The following SCN4A variants were observed in gnomAD, a reference collection of about 807,000 sequenced individuals.
SCN4A encodes the protein sodium channel protein type 4 subunit alpha.
In SCN4A, 83 loss-of-function variants were observed where a neutral mutation model predicts 162.0. The ratio of observed to expected loss-of-function variants is 0.51; its 90% CI spans 0.43 to 0.61. SCN4A has a LOEUF of 0.61. SCN4A is among the 20% of genes least tolerant of loss of function. The probability of loss-of-function intolerance (pLI) is 0.00; values close to 1 mark genes in which losing one functional copy is unlikely to be tolerated. For synonymous variants in SCN4A, 944 were observed against 985.1 expected (o/e 0.96, Z 0.78); for missense variants, 2,196 against 2,462.5 (o/e 0.89, Z 2.29).
chr17:63,952,007 G>A, intron 13 of SCN4A, 107 bp from the exon 14 acceptor site: 1 of 657,876 alleles, frequency 1.5e-6, no homozygotes, highest in South Asian at 2.0e-5. Flanking sequence ...ACTACCACAT[G>A]TTGGGCATTT....
At chr17:63,947,190 T>TCAGTG in intron 17 of SCN4A, 23 bp from the exon 18 acceptor site, 1 of 1,612,148 alleles carries the variant, frequency 6.2e-7, no homozygotes, top group Non-Finnish European at 8.5e-7. Flanking sequence ...GGTGAGGGGA[T>TCAGTG]CAGTGCGTGC....
rs1159008377 is a variant in SCN4A at position 63,951,202 on chromosome 17, GATC to G, written c.2853+219_2853+221del. On this transcript the variant is annotated intron_variant, in intron 14 of 23. Coordinates refer to ENST00000435607, the MANE Select transcript of SCN4A (RefSeq NM_000334.4). This position sits in a 1 kb window ranked among gnomAD's most constrained non-coding sequence, Gnocchi z 4.5. ...TCAGGGTTTCTGGACAGACAGGGTT[GATC>G]ATAATAACCACATCAATAACGATAG... 1.3e-5 allele frequency among the ~76,000 whole-genome samples: 2 copies of G among 152,190 alleles called. No homozygotes were observed. The highest frequency in any genetic ancestry group is 2.9e-5 in the Non-Finnish European group (2 of 68,020).
At chr17:63,953,957 C>A (rs1448348037) in intron 13 of SCN4A, among the ~76,000 whole-genome samples, 1 of 152,146 alleles carries the variant, frequency 6.6e-6, no homozygotes, top group East Asian at 1.9e-4. Context: ...TTCCTTCTAC[C>A]AGTCTGCCTG....
chr17:63,960,269 G>A (rs1476549290), intron 11 of SCN4A, among the ~76,000 whole-genome samples: 1 of 152,228 alleles, frequency 6.6e-6, no homozygotes, highest in African/African-American at 2.4e-5. Context: ...GGGCAGGCCC[G>A]GTCCATCACG....
chr17:63,957,862 G>A (rs546383819), intron 12 of SCN4A, among the ~76,000 whole-genome samples: 3 of 152,046 alleles, frequency 2.0e-5, no homozygotes, highest in South Asian at 4.2e-4. Flanking sequence ...AAAATTAGTC[G>A]GGCATGGTGG....
chr17:63,952,816 C>G (rs888913807), intron 13 of SCN4A, among the ~76,000 whole-genome samples: 30 of 152,184 alleles, frequency 2.0e-4, no homozygotes, highest in African/African-American at 7.2e-4. Flanking sequence ...GCCCCCGTCA[C>G]TGCATGAATG....
In SCN4A at chr17:63,941,918, A is replaced by G. The variant is rs377176361; in HGVS notation, c.4364T>C (p.Ile1455Thr). Residue 1455 changes from isoleucine to threonine, a missense_variant, in exon 24 of 24, where the codon ATT (isoleucine) becomes ACT (threonine). By Grantham distance (89) the Ile-to-Thr change is moderately conservative (BLOSUM62 -1). Coordinates refer to ENST00000435607, the MANE Select transcript of SCN4A (RefSeq NM_000334.4). This position sits in a 1 kb window ranked among gnomAD's most constrained non-coding sequence, Gnocchi z 6.2. ...TLFRVIRLAR[I>T]GRVLRLIRGA... ...GCGGATCAGCCGCAGGACACGCCCAATCCGCGCCAGGCGGATCACACGGAA... is the reference window on the plus strand; with the variant it reads ...GCGGATCAGCCGCAGGACACGCCCAGTCCGCGCCAGGCGGATCACACGGAA... The G allele has an allele frequency of 9.9e-6, 16 of 1,611,440 alleles. No homozygotes were observed. The Middle Eastern group carries it at 4.9e-4, about 50-fold the overall frequency.
chr17:63,955,435 G>T (rs558573169), intron 13 of SCN4A, among the ~76,000 whole-genome samples: 4 of 152,160 alleles, frequency 2.6e-5, no homozygotes, highest in South Asian at 2.1e-4. Flanking sequence ...ACTTGTAAGC[G>T]CATGCGTAAC....
At chr17:63,958,920 C>A (rs1052840079) in intron 12 of SCN4A, among the ~76,000 whole-genome samples, 14 of 152,176 alleles carry the variant, frequency 9.2e-5, no homozygotes, top group Non-Finnish European at 1.8e-4. Context: ...TCAGAGGTCC[C>A]AATCCTACTC....
At chr17:63,964,752 A>C in intron 8 of SCN4A, 75 bp from the exon 9 acceptor site, 3 of 1,192,898 alleles carry the variant, frequency 2.5e-6, no homozygotes, top group Non-Finnish European at 3.6e-6. Flanking sequence ...CTTTCCATAC[A>C]TCCATTGCCC....
rs749647150 is a variant in SCN4A, at chr17:63,941,097, C to T, written c.5185G>A (p.Val1729Met). 2.5e-6 allele frequency: 4 copies of T among 1,613,854 alleles called. No individual in the cohort carries two copies. The highest frequency in any genetic ancestry group is 1.7e-5 in the Admixed American group (1 of 60,006). ...GCCCTCTGGATCTTGATGGCGCACA[C>T]CTCCTCGTGCTTCCTCTTGAGGGTG... Reference protein sequence around the residue: ...TTTLKRKHEEVCAIKIQRAYR... With the variant: ...TTTLKRKHEEMCAIKIQRAYR... Residue 1729 changes from valine (V) to methionine (M), a missense_variant, in exon 24 of 24, where the codon GTG becomes ATG. Coordinates refer to ENST00000435607, the MANE Select transcript of SCN4A (RefSeq NM_000334.4). The surrounding 1 kb of genome is among the most constrained non-coding windows in gnomAD (Gnocchi z 6.2).
chr17:63,955,537 G>C (rs76246419), intron 13 of SCN4A, among the ~76,000 whole-genome samples: 1 of 152,152 alleles, frequency 6.6e-6, no homozygotes, highest in Non-Finnish European at 1.5e-5. Flanking sequence ...GTTAAATAAC[G>C]GGCTCGAGGT....
rs368996214 is a variant in SCN4A at position 63,961,391 on chromosome 17, G to A, written c.1647C>T (p.Tyr549=). The change falls in exon 11 of 24, where the codon TAC becomes TAT. Residue 549 remains tyrosine, a synonymous_variant. Coordinates refer to ENST00000435607, the MANE Select transcript of SCN4A (RefSeq NM_000334.4). ...EAHQKCPPWW[Y]KCAHKVLIWN... is the part of the protein sequence containing the mutation. ...ATATGAGCACTTTGTGGGCGCACTT[G>A]TACCACCATGGTGGGCACTTTTGGT... The A allele has an allele frequency of 3.1e-6, 5 of 1,613,716 alleles. No individual in the cohort carries two copies. The highest frequency in any genetic ancestry group is 4.2e-6 in the Non-Finnish European group (5 of 1,179,798).
At chr17:63,971,911 C>A (rs1016924955) in intron 3 of SCN4A, 61 bp from the exon 4 acceptor site, 12 of 1,542,072 alleles carry the variant, frequency 7.8e-6, no homozygotes, top group African/African-American at 1.4e-5. Context: ...AGTGTGGCAA[C>A]GACAGACCCC....
At chr17:63,957,860 T>A (rs1909119779) in intron 12 of SCN4A, among the ~76,000 whole-genome samples, 1 of 151,316 alleles carries the variant, frequency 6.6e-6, no homozygotes, top group South Asian at 2.1e-4. Flanking sequence ...AAAAAATTAG[T>A]CGGGCATGGT....
intron 22 of SCN4A, among the ~76,000 whole-genome samples, chr17:63,943,524 A>G (rs566054074): frequency 1.3e-5 from 2 of 152,046 alleles, no homozygotes; most frequent in South Asian, 4.2e-4. Flanking sequence ...TAAAGCACTC[A>G]CTAGAGTTTC....
At chr17:63,970,122 G>C (rs1351906197) in intron 5 of SCN4A, among the ~76,000 whole-genome samples, 1 of 152,102 alleles carries the variant, frequency 6.6e-6, no homozygotes, top group Non-Finnish European at 1.5e-5. Context: ...CTTTGGAATT[G>C]CTCTGACCTT....
chr17:63,963,586 C>A (rs1909335317), intron 10 of SCN4A, 86 bp downstream of exon 10: 2 of 1,402,750 alleles, frequency 1.4e-6, no homozygotes, highest in Non-Finnish European at 1.9e-6. Context: ...AGGGCACTCA[C>A]CTTCCATGGC....
At chr17:63,953,374 C>CA (rs928490924) in intron 13 of SCN4A, among the ~76,000 whole-genome samples, 5 of 150,276 alleles carry the variant, frequency 3.3e-5, no homozygotes, top group Non-Finnish European at 5.9e-5. Context: ...CAAAACAAAA[C>CA]AAAAAAACAA....
Sources: gnomAD v4.1 joint callset for allele counts (sites outside exome capture counted in the v4.1 genomes callset) on GRCh38, gnomAD v4.1.1 for gene constraint, Gnocchi (gnomAD v3.1) non-coding constraint, MANE v1.5 for transcripts, NCBI Gene and HGNC (gene_info 2026-07-23, HGNC 2026-07-21) for gene names.